The following KDM2B variants were observed in gnomAD, a reference collection of about 807,000 sequenced individuals.
KDM2B encodes lysine-specific demethylase 2B.
A neutral mutation model predicts 150.0 loss-of-function variants in KDM2B; 26 were observed. That is an observed-to-expected ratio of 0.17 (90% confidence interval 0.13 to 0.24). The LOEUF is 0.24. Among genes scored for constraint, KDM2B ranks in the 10% least tolerant of loss-of-function variants. KDM2B has a pLI of 1.00. For missense variants in KDM2B, 1,265 were observed against 1,816.9 expected, an observed-to-expected ratio of 0.70 and a Z score of 5.52; for synonymous variants, 734 against 729.5, an observed-to-expected ratio of 1.01 and a Z score of -0.10.
intron 11 of KDM2B, among the ~76,000 whole-genome samples, chr12:121,502,895 A>T (rs563726775): frequency 4.6e-5 from 7 of 151,342 alleles, no homozygotes; most frequent in Middle Eastern, 3.4e-3. Context: ...ACTGCTCTCC[A>T]GCCTCGGTGA....
At position 121,518,504 on chromosome 12, in the gene KDM2B, A is replaced by G. The variant is rs114723040; in HGVS notation, c.1047+2481T>C. 1.0e-2 allele frequency among the ~76,000 whole-genome samples: 1,515 copies of G among 152,232 alleles called. 27 individuals are homozygous for G. Among genetic ancestry groups the G allele is most frequent in the African/African-American group, 0.034 (1,416 of 41,548 alleles). On this transcript the variant is annotated intron_variant, in intron 9 of 22. Coordinates refer to ENST00000377071, the MANE Select transcript of KDM2B (RefSeq NM_032590.5). This position sits in a 1 kb window ranked among gnomAD's most constrained non-coding sequence, Gnocchi z 4.4. ...ATGGGGTGCCCACTCAGGGGAAGGGACAGTAGGCCCCGGTGGGGGAGGGGA... is the reference window on the plus strand; with the variant it reads ...ATGGGGTGCCCACTCAGGGGAAGGGGCAGTAGGCCCCGGTGGGGGAGGGGA...
chr12:121,580,906 C>T lies in KDM2B; in HGVS notation c.6G>A (p.Ala2=). ...CTGCAGATCCCCCCATTTGCGGACCCGCCATGTGGAGGAGGCATTTGGGGG... is the reference window on the plus strand; with the variant it reads ...CTGCAGATCCCCCCATTTGCGGACCTGCCATGTGGAGGAGGCATTTGGGGG... M[A]GPQMGGSAED... The change falls in exon 1 of 23, where the codon GCG becomes GCA. Residue 2 remains alanine, a synonymous_variant. Transcript: ENST00000377071. 1 of 1,613,612 alleles carries T rather than the reference C, an allele frequency of 6.2e-7. No homozygotes were observed.
intron 12 of KDM2B, among the ~76,000 whole-genome samples, chr12:121,484,247 C>A (rs541083414): frequency 3.9e-5 from 6 of 152,004 alleles, no homozygotes; most frequent in Admixed American, 3.9e-4. Flanking sequence ...TGAGGTGCAA[C>A]TGGAACGCGT....
rs550118676 is a variant in KDM2B, at chr12:121,446,166, C to T, written c.1960-748G>A. The stretch of plus-strand genomic sequence containing the variant: ...ATCCCAGCACTTTGGGAGGCCAAGG[C>T]GGGCGGATCACAAGGTCAGGAGATC... On this transcript the variant is annotated intron_variant, in intron 13 of 22. Transcript: ENST00000377071. Among the ~76,000 whole-genome samples the T allele has an allele frequency of 2.8e-4, 43 of 152,278 alleles. No homozygotes were observed. In the East Asian group the frequency reaches 4.4e-3, roughly 16 times the overall value.
chr12:121,420,977 G>C, the KDM2B span, among the ~76,000 whole-genome samples: 1 of 152,136 alleles, frequency 6.6e-6, no homozygotes, highest in Non-Finnish European at 1.5e-5. Context: ...ATGGCTGCGA[G>C]ACCACCACTG....
Position 121,440,984 on chromosome 12 carries a change from G to C in KDM2B, c.3449-7C>G. 1.9e-6 allele frequency: 3 copies of C among 1,613,312 alleles called. No homozygotes were observed. In the African/African-American group the frequency reaches 4.0e-5, roughly 21 times the overall value. ...AGCACCAAGTCCCGGAGCCCTGGGG[G>C]GACATAGAAAAGGGTGAAGGTCAGG... On this transcript the variant is annotated splice_region_variant and splice_polypyrimidine_tract_variant and intron_variant, in intron 20 of 22. Coordinates refer to ENST00000377071, the MANE Select transcript of KDM2B (RefSeq NM_032590.5).
chr12:121,529,935 A>AAC, intron 8 of KDM2B, among the ~76,000 whole-genome samples: 1 of 149,654 alleles, frequency 6.7e-6, no homozygotes, highest in Non-Finnish European at 1.5e-5. Flanking sequence ...TCTCAAAAAA[A>AAC]AAAAAAAAGA....
intron 22 of KDM2B, among the ~76,000 whole-genome samples, chr12:121,438,590 G>A (rs528756475): frequency 6.6e-6 from 1 of 152,206 alleles, no homozygotes; most frequent in African/African-American, 2.4e-5. Context: ...GCGTCCACGA[G>A]GTGGAACAAT....
chr12:121,481,378 T>G (rs180959248), intron 12 of KDM2B, among the ~76,000 whole-genome samples: 31 of 152,262 alleles, frequency 2.0e-4, no homozygotes, highest in Non-Finnish European at 3.5e-4. Flanking sequence ...CTTTGTAACA[T>G]GAAGCAAAAA....
chr12:121,526,623 G>A (rs1365611193), intron 8 of KDM2B, among the ~76,000 whole-genome samples: 1 of 152,140 alleles, frequency 6.6e-6, no homozygotes, highest in Non-Finnish European at 1.5e-5. Flanking sequence ...TAGAGGCTGT[G>A]ATAGGACGAT....
chr12:121,533,062 G>T lies in KDM2B; in HGVS notation c.778-103C>A. On this transcript the variant is annotated intron_variant, in intron 7 of 22. Transcript: ENST00000377071. The surrounding 1 kb of genome is among the most constrained non-coding windows in gnomAD (Gnocchi z 4.1). ...GGAAGGGGAGGGGGCGAGACAAGCTGTGTGTGGGGTGGGGGGTGTGGAGAG... is the reference window on the plus strand; with the variant it reads ...GGAAGGGGAGGGGGCGAGACAAGCTTTGTGTGGGGTGGGGGGTGTGGAGAG... The T allele has an allele frequency of 8.7e-7, 1 of 1,145,600 alleles. No individual in the cohort carries two copies. Among genetic ancestry groups the T allele is most frequent in the Non-Finnish European group, 1.3e-6 (1 of 793,174 alleles). The allele number at this position is 1,145,600 out of a possible 1,614,324, so 71.0% of individuals were successfully genotyped here. A position where few individuals can be genotyped will look rare whatever the true frequency, so the allele number is the denominator to read the frequency against.
chr12:121,496,665 T>C (rs115938614), intron 11 of KDM2B, among the ~76,000 whole-genome samples: 509 of 152,212 alleles, frequency 3.3e-3, no homozygotes, highest in African/African-American at 0.012. Flanking sequence ...CAGCTAATTG[T>C]ATTATTTGTA....
chr12:121,462,893 G>T (rs1278850279), intron 12 of KDM2B, among the ~76,000 whole-genome samples: 11 of 152,026 alleles, frequency 7.2e-5, no homozygotes, highest in Non-Finnish European at 4.4e-5. Context: ...TTTGAGCCCA[G>T]GAGTTCGAGC....
intron 9 of KDM2B, among the ~76,000 whole-genome samples, chr12:121,517,236 G>A (rs375666476): frequency 2.4e-4 from 37 of 152,238 alleles, no homozygotes; most frequent in African/African-American, 7.7e-4. Flanking sequence ...TCAGGATGAG[G>A]GGAAGGGGAG....
chr12:121,510,109 A>T, intron 10 of KDM2B, 70 bp from the exon 11 acceptor site: 1 of 1,342,126 alleles, frequency 7.5e-7, no homozygotes, highest in East Asian at 2.3e-5. Flanking sequence ...TGGAACCTCC[A>T]CTCACCAAAA....
intron 12 of KDM2B, chr12:121,494,066 C>T: frequency 6.5e-6 from 1 of 154,304 alleles, no homozygotes; most frequent in Non-Finnish European, 1.4e-5. Flanking sequence ...CCATGTTGGC[C>T]AGGCTGGTCT....
chr12:121,438,710 T>A (rs1874428594), intron 22 of KDM2B, among the ~76,000 whole-genome samples: 1 of 152,044 alleles, frequency 6.6e-6, no homozygotes, highest in Non-Finnish European at 1.5e-5. Context: ...TGCCAGACAG[T>A]TTATCAGGCA....
downstream of KDM2B, among the ~76,000 whole-genome samples, chr12:121,425,198 C>T (rs782319503): frequency 1.3e-5 from 2 of 151,628 alleles, no homozygotes; most frequent in Non-Finnish European, 2.9e-5. Flanking sequence ...ATCCCAACTA[C>T]TCAGGAGGCT....
chr12:121,484,880 G>A (rs1310048280), intron 12 of KDM2B, among the ~76,000 whole-genome samples: 1 of 152,032 alleles, frequency 6.6e-6, no homozygotes, highest in Non-Finnish European at 1.5e-5. Context: ...ATCACTGAAC[G>A]ATTGATAACA....
Sources: gnomAD v4.1 joint callset for allele counts (sites outside exome capture counted in the v4.1 genomes callset) on GRCh38, gnomAD v4.1.1 for gene constraint, Gnocchi (gnomAD v3.1) non-coding constraint, MANE v1.5 for transcripts, NCBI Gene and HGNC (gene_info 2026-07-23, HGNC 2026-07-21) for gene names.